Variants in XKR6 observed in about 807,000 individuals in gnomAD.
XKR6 encodes XK-related protein 6.
In XKR6, 22 loss-of-function variants were observed where a neutral mutation model predicts 56.7. That is an observed-to-expected ratio of 0.39 (90% CI 0.28 to 0.55). The LOEUF is 0.55. Among genes scored for constraint, XKR6 ranks in the 20% least tolerant of loss-of-function variants. The pLI, the probability that XKR6 is intolerant of heterozygous loss-of-function variation, is 0.66. For missense variants in XKR6, 852 were observed against 889.0 expected (o/e 0.96, Z 0.53); for synonymous variants, 524 against 387.8 (o/e 1.35, Z -4.13).
intron 1 of XKR6, among the ~76,000 whole-genome samples, chr8:11,145,166 T>A (rs1242879730): frequency 6.6e-6 from 1 of 152,158 alleles, no homozygotes; most frequent in Non-Finnish European, 1.5e-5. Flanking sequence ...AAATGCTCAC[T>A]GGAGCATTTT....
chr8:11,052,682 G>A lies in XKR6; in HGVS notation c.765-127852C>T, dbSNP rs959189585. Among the ~76,000 whole-genome samples the A allele has an allele frequency of 1.5e-4, 23 of 152,126 alleles. No homozygotes were observed. In the East Asian group the frequency reaches 4.1e-3, roughly 27 times the overall value. On this transcript the variant is annotated intron_variant, in intron 1 of 2. Coordinates refer to ENST00000416569, the MANE Select transcript of XKR6 (RefSeq NM_173683.4). ...CCCATTGCCCGCACCTTGAGTTAAA[G>A]CTGGTGTCCTCTCCTCTCTTCCCCA...
chr8:11,073,883 C>T (rs1800197895), intron 1 of XKR6, among the ~76,000 whole-genome samples: 1 of 152,144 alleles, frequency 6.6e-6, no homozygotes, highest in Non-Finnish European at 1.5e-5. Context: ...TGACCCAGGG[C>T]TTCCCTACCC....
intron 1 of XKR6, among the ~76,000 whole-genome samples, chr8:11,144,984 G>T (rs1363433762): frequency 4.8e-5 from 7 of 146,202 alleles, no homozygotes; most frequent in Non-Finnish European, 9.0e-5. Flanking sequence ...GAGAAGGGAG[G>T]GATGGAGAAA....
chr8:10,910,120 A>G (rs936932003), intron 2 of XKR6, among the ~76,000 whole-genome samples: 9 of 151,972 alleles, frequency 5.9e-5, no homozygotes, highest in Non-Finnish European at 1.0e-4. Context: ...GATTGTCACA[A>G]CTCGGGGTGC....
At chr8:11,198,574 G>A (rs752903653) in intron 1 of XKR6, among the ~76,000 whole-genome samples, 1 of 151,552 alleles carries the variant, frequency 6.6e-6, no homozygotes, top group African/African-American at 2.4e-5. Flanking sequence ...CATTTTAAAT[G>A]TACTTTTCAG....
intron 2 of XKR6, among the ~76,000 whole-genome samples, chr8:10,915,619 C>T (rs1440124649): frequency 2.0e-5 from 3 of 152,234 alleles, no homozygotes; most frequent in Non-Finnish European, 4.4e-5. Flanking sequence ...TGGTGCAGTG[C>T]GAGCGTTCAA....
intron 1 of XKR6, among the ~76,000 whole-genome samples, chr8:11,182,231 G>A (rs754915718): frequency 5.9e-5 from 9 of 152,196 alleles, no homozygotes; most frequent in African/African-American, 2.2e-4. Context: ...AGGTGGTGGT[G>A]AGCCCCATGA....
At chr8:10,978,875 C>T (rs1797658037) in intron 1 of XKR6, among the ~76,000 whole-genome samples, 1 of 152,190 alleles carries the variant, frequency 6.6e-6, no homozygotes, top group African/African-American at 2.4e-5. Context: ...GGCCACATTG[C>T]TTAGCTGGAC....
chr8:11,095,669 C>A (rs1296580500), intron 1 of XKR6, among the ~76,000 whole-genome samples: 1 of 152,210 alleles, frequency 6.6e-6, no homozygotes, highest in Admixed American at 6.5e-5. Flanking sequence ...ATGTATATAT[C>A]ATGTGCAACT....
chr8:10,940,962 C>T (rs951584595), intron 1 of XKR6, among the ~76,000 whole-genome samples: 3 of 152,296 alleles, frequency 2.0e-5, no homozygotes, highest in African/African-American at 4.8e-5. Flanking sequence ...GCTGGGGTCA[C>T]GCAGGGACAT....
chr8:11,102,785 G>C (rs566985704), intron 1 of XKR6, among the ~76,000 whole-genome samples: 62 of 152,344 alleles, frequency 4.1e-4, no homozygotes, highest in African/African-American at 1.3e-3. Context: ...AAAACCTAGA[G>C]AGAAACCAAC....
chr8:10,984,732 CTATA>C lies in XKR6; in HGVS notation c.765-59906_765-59903del, dbSNP rs58774414. On this transcript the variant is annotated intron_variant, in intron 1 of 2. Coordinates refer to ENST00000416569, the MANE Select transcript of XKR6 (RefSeq NM_173683.4). ...TCTCTCTCTCTCTCTCTCTCTCTCTCTATATATATATATATATATATATATTTGA... is the reference window on the plus strand; with the variant it reads ...TCTCTCTCTCTCTCTCTCTCTCTCTCTATATATATATATATATATATTTGA... Among the ~76,000 whole-genome samples the C allele has an allele frequency of 7.7e-3, 366 of 47,490 alleles. 6 individuals carry two copies. The highest frequency in any genetic ancestry group is 0.019 in the South Asian group (22 of 1,144). The allele number at this position is 47,490 out of a possible 152,430, so 31.2% of individuals were successfully genotyped here.
At chr8:11,162,068 C>A (rs7011756) in intron 1 of XKR6, among the ~76,000 whole-genome samples, 1 of 152,012 alleles carries the variant, frequency 6.6e-6, no homozygotes, top group African/African-American at 2.4e-5. Flanking sequence ...TGTAAAAAAA[C>A]TGACCCAGAG....
rs182536104 is a variant in XKR6, at chr8:10,998,858, G to C, written c.765-74028C>G. Among the ~76,000 whole-genome samples the C allele has an allele frequency of 3.9e-5, 6 of 152,336 alleles. No homozygotes were observed. In the East Asian group the frequency reaches 9.7e-4, roughly 25 times the overall value. ...CCTTCTGCCTCCAAGCAGCATGGCA[G>C]CAAGGGAGAAGAAAATTATGCAGCC... On this transcript the variant is annotated intron_variant, in intron 1 of 2. Transcript: ENST00000416569.
At chr8:11,183,559 G>C (rs1020667545) in intron 1 of XKR6, among the ~76,000 whole-genome samples, 3 of 151,870 alleles carry the variant, frequency 2.0e-5, no homozygotes, top group African/African-American at 7.3e-5. Context: ...CTGGCCTCAA[G>C]TGATCCTCCC....
chr8:11,105,703 T>G (rs1209149750), intron 1 of XKR6: 2 of 152,222 alleles, frequency 1.3e-5, no homozygotes, highest in African/African-American at 4.8e-5. Context: ...CAAAGCTCTT[T>G]TATTTGGACA....
chr8:10,977,413 T>G (rs184566525), intron 1 of XKR6, among the ~76,000 whole-genome samples: 1 of 151,538 alleles, frequency 6.6e-6, no homozygotes, highest in African/African-American at 2.4e-5. Flanking sequence ...GAGATGAGAC[T>G]CTCTAATAAG....
At chr8:10,931,243 G>T (rs1024178500) in intron 1 of XKR6, among the ~76,000 whole-genome samples, 14 of 152,130 alleles carry the variant, frequency 9.2e-5, no homozygotes, top group African/African-American at 3.4e-4. Flanking sequence ...GGATTTGTAT[G>T]CCACAGCTGC....
chr8:11,026,656 T>C (rs1798872610), intron 1 of XKR6, among the ~76,000 whole-genome samples: 1 of 149,306 alleles, frequency 6.7e-6, no homozygotes, highest in African/African-American at 2.4e-5. Context: ...TCTAGCCTAC[T>C]AAACTCTTAA....
Sources: gnomAD v4.1 joint callset for allele counts (sites outside exome capture counted in the v4.1 genomes callset) on GRCh38, gnomAD v4.1.1 for gene constraint, MANE v1.5 for transcripts, NCBI Gene and HGNC (gene_info 2026-07-23, HGNC 2026-07-21) for gene names.